The following SCN2A variants were observed in gnomAD, a reference collection of about 807,000 sequenced individuals.
SCN2A encodes the protein sodium channel protein type 2 subunit alpha.
Under a neutral mutation model 188.7 loss-of-function variants are expected in SCN2A, and 20 were observed. The observed-to-expected ratio is 0.11, with a 90% CI of 0.07 to 0.15. SCN2A has a LOEUF of 0.15. Among genes scored for constraint, SCN2A ranks in the 10% least tolerant of loss-of-function variants. The pLI, the probability that SCN2A is intolerant of heterozygous loss-of-function variation, is 1.00. For missense variants in SCN2A, 1,278 were observed against 2,445.0 expected (o/e 0.52, Z 10.07); for synonymous variants, 804 against 833.1 (o/e 0.97, Z 0.60).
At chr2:165,363,091 A>G (rs766583546) in intron 17 of SCN2A, among the ~76,000 whole-genome samples, 5 of 152,118 alleles carry the variant, frequency 3.3e-5, no homozygotes, top group Non-Finnish European at 5.9e-5. Context: ...AAGATTTTCT[A>G]TAATATGCTG....
chr2:165,274,599 T>G (rs1028988821), intron 1 of SCN2A, among the ~76,000 whole-genome samples: 27 of 152,210 alleles, frequency 1.8e-4, no homozygotes, highest in African/African-American at 6.3e-4. Flanking sequence ...GCTATATCAT[T>G]TAGTTGCTAC....
intron 8 of SCN2A, among the ~76,000 whole-genome samples, chr2:165,313,084 G>GCAAGTTACTTGCC (rs1255848020): frequency 1.3e-5 from 2 of 152,054 alleles, no homozygotes; most frequent in African/African-American, 4.8e-5. Context: ...CTGAAGATTA[G>GCAAGTTACTTGCC]CAAGTTAAGT....
rs935314306 is a variant in SCN2A, at chr2:165,391,754, T to A, written c.*1930T>A. ...CAGTAATCATCAGTCTTTTCCAATG[T>A]TTGTTTACACAGATAGATCTTATTG... On this transcript the variant is annotated 3_prime_UTR_variant, in exon 27 of 27. Coordinates refer to ENST00000375437, the MANE Select transcript of SCN2A (RefSeq NM_001040142.2). 3 of 152,524 alleles carry A rather than the reference T, an allele frequency of 2.0e-5. No individual in the cohort carries two copies. 9.4% of individuals were successfully genotyped at this position (152,524 alleles called of 1,614,324 possible).
chr2:165,312,156 C>T, intron 8 of SCN2A, 68 bp downstream of exon 8: 1 of 1,143,592 alleles, frequency 8.7e-7, no homozygotes, highest in East Asian at 2.4e-5. Flanking sequence ...TGCCACCTCC[C>T]ACTCATCCAG....
At chr2:165,261,352 A>G (rs569299366) in intron 1 of SCN2A, among the ~76,000 whole-genome samples, 1 of 152,346 alleles carries the variant, frequency 6.6e-6, no homozygotes, top group East Asian at 1.9e-4. Flanking sequence ...TAATAGGATC[A>G]TTGTTAGGCT....
At chr2:165,268,633 G>A (rs1694977093) in intron 1 of SCN2A, 1 of 152,288 alleles carries the variant, frequency 6.6e-6, no homozygotes, top group South Asian at 1.9e-4. Flanking sequence ...AACAAGACAA[G>A]GTGACAAAAT....
chr2:165,389,101 G>C lies in SCN2A; in HGVS notation c.5295G>C (p.Leu1765=). The C allele has an allele frequency of 2.5e-6, 4 of 1,614,044 alleles. No homozygotes were observed. Among genetic ancestry groups the C allele is most frequent in the East Asian group, 2.2e-5 (1 of 44,878 alleles). ...TCAGTTACATCATCATATCCTTCCT[G>C]GTTGTGGTGAACATGTACATCGCGG... ...FFVSYIIISF[L]VVVNMYIAVI... Residue 1765 remains leucine, a synonymous_variant, in exon 27 of 27, where the codon CTG becomes CTC. Transcript: ENST00000375437. The surrounding 1 kb of genome is among the most constrained non-coding windows in gnomAD (Gnocchi z 4.2).
At chr2:165,305,073 T>C (rs1298239765) in intron 3 of SCN2A, among the ~76,000 whole-genome samples, 1 of 152,162 alleles carries the variant, frequency 6.6e-6, no homozygotes, top group East Asian at 1.9e-4. Context: ...TGCAGTGATA[T>C]GGGGATGGAA....
chr2:165,291,405 TTC>T (rs1696123359), intron 1 of SCN2A, among the ~76,000 whole-genome samples: 8 of 143,232 alleles, frequency 5.6e-5, no homozygotes, highest in Admixed American at 6.9e-5. Context: ...CCTTCCTTCC[TTC>T]CTTCCTTCCT....
At chr2:165,338,020 A>G (rs1191668020) in intron 14 of SCN2A, among the ~76,000 whole-genome samples, 1 of 152,160 alleles carries the variant, frequency 6.6e-6, no homozygotes, top group Non-Finnish European at 1.5e-5. Context: ...TCATCCAGGT[A>G]ATAAGCATAG....
intron 1 of SCN2A, among the ~76,000 whole-genome samples, chr2:165,250,871 C>A (rs1694059843): frequency 6.6e-6 from 1 of 151,976 alleles, no homozygotes; most frequent in Non-Finnish European, 1.5e-5. Context: ...CAAATTTGAT[C>A]CCATGTTCTT....
At chr2:165,348,429 C>G (rs1348870711) in intron 16 of SCN2A, among the ~76,000 whole-genome samples, 2 of 151,578 alleles carry the variant, frequency 1.3e-5, no homozygotes, top group Admixed American at 1.3e-4. Context: ...CCTCCAAGTC[C>G]CCAAAGATAG....
At chr2:165,291,838 G>T (rs1337068323) in intron 1 of SCN2A, among the ~76,000 whole-genome samples, 3 of 151,800 alleles carry the variant, frequency 2.0e-5, no homozygotes, top group Non-Finnish European at 4.4e-5. Context: ...GTGTTTCAAG[G>T]CTACAGCATG....
At chr2:165,308,373 A>T (rs1697251652) in intron 4 of SCN2A, among the ~76,000 whole-genome samples, 1 of 152,146 alleles carries the variant, frequency 6.6e-6, no homozygotes, top group African/African-American at 2.4e-5. Flanking sequence ...TATTTGCTCA[A>T]ATCGGACTGA....
At chr2:165,351,170 T>G (rs903250816) in intron 16 of SCN2A, among the ~76,000 whole-genome samples, 1 of 152,204 alleles carries the variant, frequency 6.6e-6, no homozygotes, top group Non-Finnish European at 1.5e-5. Flanking sequence ...TTCTAAAATA[T>G]GTGCTCCTCT....
chr2:165,387,899 G>C (rs557829400), intron 26 of SCN2A, among the ~76,000 whole-genome samples: 19 of 152,182 alleles, frequency 1.2e-4, no homozygotes, highest in African/African-American at 4.6e-4. Flanking sequence ...CTGACCTGGA[G>C]CTTCCCTATT....
intron 1 of SCN2A, chr2:165,294,023 A>G: frequency 1.1e-6 from 1 of 885,094 alleles, no homozygotes; most frequent in Non-Finnish European, 1.3e-6. Context: ...AAAAAAAAAA[A>G]AAAAAAAAAA....
chr2:165,305,550 A>G (rs1418439390), intron 3 of SCN2A, among the ~76,000 whole-genome samples: 1 of 152,216 alleles, frequency 6.6e-6, no homozygotes, highest in African/African-American at 2.4e-5. Context: ...CAAAGAATAC[A>G]GAGAAATTGG....
At chr2:165,327,093 C>T in intron 13 of SCN2A, 109 bp downstream of exon 13, 1 of 1,323,176 alleles carries the variant, frequency 7.6e-7, no homozygotes, top group Non-Finnish European at 1.1e-6. Context: ...ATCATTATTA[C>T]ACATTTTACT....
Sources: gnomAD v4.1 joint callset for allele counts (sites outside exome capture counted in the v4.1 genomes callset) on GRCh38, gnomAD v4.1.1 for gene constraint, Gnocchi (gnomAD v3.1) non-coding constraint, MANE v1.5 for transcripts, NCBI Gene and HGNC (gene_info 2026-07-23, HGNC 2026-07-21) for gene names.